Variants in MYT1L observed in about 807,000 individuals in gnomAD.
The protein encoded by MYT1L is myelin transcription factor 1-like protein.
In MYT1L, 12 loss-of-function variants were observed where a neutral mutation model predicts 126.7. The observed-to-expected ratio is 0.09, with a 90% CI of 0.06 to 0.15. MYT1L has a LOEUF of 0.15. MYT1L is among the 10% of genes least tolerant of loss of function. The pLI is 1.00. For synonymous variants in MYT1L, 541 were observed against 604.2 expected, an observed-to-expected ratio of 0.90 and a Z score of 1.53; for missense variants, 979 against 1,585.2, an observed-to-expected ratio of 0.62 and a Z score of 6.49.
intron 2 of MYT1L, among the ~76,000 whole-genome samples, chr2:2,180,083 C>T (rs1413698610): frequency 6.6e-6 from 1 of 152,128 alleles, no homozygotes; most frequent in Admixed American, 6.5e-5. Context: ...CTGTTGTTAT[C>T]AAAGAAACTA....
chr2:2,264,140 C>T (rs1186251730), intron 2 of MYT1L, among the ~76,000 whole-genome samples: 1 of 152,120 alleles, frequency 6.6e-6, no homozygotes, highest in African/African-American at 2.4e-5. Flanking sequence ...AAGTTCCTTC[C>T]AGCACAGCAT....
At chr2:2,195,387 C>T (rs910404486) in intron 2 of MYT1L, among the ~76,000 whole-genome samples, 4 of 152,164 alleles carry the variant, frequency 2.6e-5, no homozygotes, top group Non-Finnish European at 5.9e-5. Flanking sequence ...AGGTAATAAA[C>T]CATGGCTTTG....
At chr2:2,125,878 C>G (rs17039343) in intron 3 of MYT1L, among the ~76,000 whole-genome samples, 5,416 of 152,230 alleles carry the variant, frequency 0.036, 126 homozygotes, top group South Asian at 0.088. Context: ...TTCAAACACA[C>G]CAAGAGATGT....
chr2:2,227,703 T>C (rs1175598317), intron 2 of MYT1L, among the ~76,000 whole-genome samples: 1 of 152,332 alleles, frequency 6.6e-6, no homozygotes, highest in East Asian at 1.9e-4. Context: ...TTCAAATATG[T>C]TCACTACCAT....
At chr2:2,261,142 C>CATGTGTGTGT (rs1196071937) in intron 2 of MYT1L, among the ~76,000 whole-genome samples, 1 of 149,102 alleles carries the variant, frequency 6.7e-6, no homozygotes, top group Admixed American at 6.7e-5. Flanking sequence ...TGTGTGAGTG[C>CATGTGTGTGT]GTGTGTGTGT....
At chr2:1,995,858 A>G (rs1220423081) in intron 5 of MYT1L, among the ~76,000 whole-genome samples, 1 of 152,142 alleles carries the variant, frequency 6.6e-6, no homozygotes, top group Non-Finnish European at 1.5e-5. Flanking sequence ...TCTGCCTAGG[A>G]CTGCCCCAGG....
intron 15 of MYT1L, among the ~76,000 whole-genome samples, 165 bp downstream of exon 15, chr2:1,891,872 G>C (rs1405419332): frequency 6.6e-6 from 1 of 152,158 alleles, no homozygotes; most frequent in African/African-American, 2.4e-5. Flanking sequence ...TTCAGGCTGC[G>C]TTAAGGGAAG....
intron 18 of MYT1L, among the ~76,000 whole-genome samples, chr2:1,862,267 T>TA (rs1452239982): frequency 7.8e-4 from 95 of 121,700 alleles, no homozygotes; most frequent in African/African-American, 3.2e-3. Context: ...CAAGAGGTTT[T>TA]TAAAAAAAAA....
intron 2 of MYT1L, among the ~76,000 whole-genome samples, chr2:2,233,214 C>A (rs530568844): frequency 9.7e-4 from 148 of 152,292 alleles, no homozygotes; most frequent in Middle Eastern, 3.4e-3. Flanking sequence ...TTTCCAAGGT[C>A]AGATGATCAG....
chr2:2,095,226 T>A (rs2077322963), intron 3 of MYT1L, among the ~76,000 whole-genome samples: 1 of 152,152 alleles, frequency 6.6e-6, no homozygotes, highest in Non-Finnish European at 1.5e-5. Context: ...GAAAAGGGGC[T>A]TTCTGGGACA....
At chr2:2,270,551 ACGAGCAATGAAAAAATTACAGCCAATC>A (rs1164758861) in intron 2 of MYT1L, among the ~76,000 whole-genome samples, 3 of 152,092 alleles carry the variant, frequency 2.0e-5, no homozygotes, top group Non-Finnish European at 2.9e-5. Context: ...AAAATGACAC[ACGAGCAATGAAAAAATTACAGCCAATC>A]CGAGCAATGA....
chr2:2,249,182 A>G (rs578238896), intron 2 of MYT1L, among the ~76,000 whole-genome samples: 2 of 152,146 alleles, frequency 1.3e-5, no homozygotes, highest in Non-Finnish European at 2.9e-5. Context: ...TGCAGGATAC[A>G]AAATTAACAT....
intron 9 of MYT1L, among the ~76,000 whole-genome samples, chr2:1,939,564 T>TTAACAGTGAGG (rs2056402108): frequency 1.3e-5 from 2 of 152,244 alleles, no homozygotes; most frequent in African/African-American, 4.8e-5. Flanking sequence ...GGCACTACAT[T>TTAACAGTGAGG]TAACAGTGAG....
intron 2 of MYT1L, among the ~76,000 whole-genome samples, chr2:2,203,432 A>G (rs1359111020): frequency 6.6e-5 from 10 of 150,462 alleles, no homozygotes; most frequent in Non-Finnish European, 1.5e-4. Flanking sequence ...TAAAAAATCA[A>G]TGTGCAAAAA....
At chr2:1,882,197 C>T (rs1482711339) in intron 18 of MYT1L, among the ~76,000 whole-genome samples, 1 of 152,202 alleles carries the variant, frequency 6.6e-6, no homozygotes, top group African/African-American at 2.4e-5. Context: ...CTGGGGAAGG[C>T]TCTGGGGCAG....
chr2:1,956,433 T>TCTATCTATCTATCTATCTAC (rs1403332827), intron 8 of MYT1L, among the ~76,000 whole-genome samples: 16 of 140,188 alleles, frequency 1.1e-4, no homozygotes, highest in Non-Finnish European at 3.0e-5. Context: ...TATCTATCTA[T>TCTATCTATCTATCTATCTAC]CTATCTACCT....
intron 18 of MYT1L, 198 bp downstream of exon 18, chr2:1,886,341 A>G: frequency 2.4e-6 from 1 of 422,224 alleles, no homozygotes. Context: ...GAGGTATGTC[A>G]GGGGAAAAGG....
At chr2:1,869,198 C>G (rs2045969546) in intron 18 of MYT1L, among the ~76,000 whole-genome samples, 1 of 146,110 alleles carries the variant, frequency 6.8e-6, no homozygotes, top group South Asian at 2.1e-4. Context: ...ACAAAGCACA[C>G]AGTCCCGGAC....
At chr2:2,151,383 T>G (rs2085758476) in intron 3 of MYT1L, among the ~76,000 whole-genome samples, 1 of 151,830 alleles carries the variant, frequency 6.6e-6, no homozygotes, top group African/African-American at 2.4e-5. Flanking sequence ...TGGGGAGGGA[T>G]GTACTCCCTC....
Sources: allele counts gnomAD v4.1 joint callset (sites outside exome capture counted in the v4.1 genomes callset), GRCh38; gene constraint gnomAD v4.1.1; transcripts MANE v1.5; gene names NCBI Gene and HGNC (gene_info 2026-07-23, HGNC 2026-07-21).